The following CAMTA1 variants were observed in gnomAD, a reference collection of about 807,000 sequenced individuals.
CAMTA1 encodes the protein calmodulin-binding transcription activator 1.
A neutral mutation model predicts 170.9 loss-of-function variants in CAMTA1; 27 were observed. That is an observed-to-expected ratio of 0.16 (90% CI 0.12 to 0.22). The LOEUF (loss-of-function observed/expected upper bound fraction) is 0.22. Among genes scored for constraint, CAMTA1 ranks in the 10% least tolerant of loss-of-function variants. CAMTA1 has a pLI of 1.00. For missense variants in CAMTA1, 1,619 were observed against 2,217.2 expected, an observed-to-expected ratio of 0.73 and a Z score of 5.42; for synonymous variants, 833 against 891.5, an observed-to-expected ratio of 0.93 and a Z score of 1.17.
intron 3 of CAMTA1, among the ~76,000 whole-genome samples, chr1:6,946,820 GA>G (rs1328900531): frequency 6.6e-6 from 1 of 151,462 alleles, no homozygotes; most frequent in African/African-American, 2.4e-5. Context: ...ACATTTTGAT[GA>G]TGTTCCGTTT....
chr1:7,073,004 G>A (rs1262817131), intron 3 of CAMTA1, among the ~76,000 whole-genome samples: 5 of 152,194 alleles, frequency 3.3e-5, no homozygotes, highest in Non-Finnish European at 5.9e-5. Context: ...AAGAGTGTAG[G>A]CAGGGAGATC....
At chr1:7,337,318 G>A (rs2083447731) in intron 5 of CAMTA1, among the ~76,000 whole-genome samples, 2 of 152,208 alleles carry the variant, frequency 1.3e-5, no homozygotes, top group Non-Finnish European at 2.9e-5. Context: ...TGTCTGATAG[G>A]CATTGCAGTG....
chr1:7,084,256 C>T (rs184015581), intron 3 of CAMTA1, among the ~76,000 whole-genome samples: 1 of 152,136 alleles, frequency 6.6e-6, no homozygotes, highest in East Asian at 1.9e-4. Flanking sequence ...TTTCTCCCTC[C>T]CTGACATTGA....
intron 1 of CAMTA1, among the ~76,000 whole-genome samples, chr1:6,787,748 C>G (rs535294463): frequency 2.0e-5 from 3 of 152,202 alleles, no homozygotes; most frequent in African/African-American, 4.8e-5. Context: ...TCACCAAGTC[C>G]CTGAATGTGC....
At position 7,033,588 on chromosome 1, in the gene CAMTA1, CTT is replaced by C. The variant is rs34282545; in HGVS notation, c.235-57695_235-57694del. Among the ~76,000 whole-genome samples the C allele has an allele frequency of 1.9e-3, 177 of 95,128 alleles. 1 individual carries two copies. The highest frequency in any genetic ancestry group is 0.01 in the Middle Eastern group (1 of 96). 62.4% of individuals were successfully genotyped at this position (95,128 alleles called of 152,430 possible). A position where few individuals can be genotyped will look rare whatever the true frequency, so the allele number is the denominator to read the frequency against. Reference sequence around the variant, plus strand: ...GTACATGTTTATTCTTGTAAATATTCTTTTTTTTTTTTTTTTTTTTTTGATAC... The same window carrying C: ...GTACATGTTTATTCTTGTAAATATTCTTTTTTTTTTTTTTTTTTTTGATAC... On this transcript the variant is annotated intron_variant, in intron 3 of 22. Transcript: ENST00000303635.
intron 5 of CAMTA1, among the ~76,000 whole-genome samples, chr1:7,412,586 G>A (rs1490158324): frequency 6.0e-5 from 9 of 150,350 alleles, no homozygotes; most frequent in Non-Finnish European, 8.9e-5. Context: ...CATATCCTTC[G>A]CCCACTTTTT....
At chr1:7,186,907 C>T (rs1008370855) in intron 4 of CAMTA1, among the ~76,000 whole-genome samples, 18 of 151,862 alleles carry the variant, frequency 1.2e-4, no homozygotes, top group Non-Finnish European at 2.2e-4. Context: ...CCGGCGGGGG[C>T]GTGAAAATCA....
chr1:7,015,719 A>C (rs1384863921), intron 3 of CAMTA1, among the ~76,000 whole-genome samples: 1 of 152,142 alleles, frequency 6.6e-6, no homozygotes, highest in Admixed American at 6.5e-5. Context: ...AAAAGGTTTA[A>C]TTGGCTCACA....
intron 5 of CAMTA1, among the ~76,000 whole-genome samples, chr1:7,332,813 A>G (rs2083115585): frequency 6.6e-6 from 1 of 152,060 alleles, no homozygotes; most frequent in South Asian, 2.1e-4. Context: ...AGAAATGAGC[A>G]CACACCCGCA....
intron 3 of CAMTA1, among the ~76,000 whole-genome samples, chr1:6,929,128 A>G (rs1487219822): frequency 6.6e-6 from 1 of 152,212 alleles, no homozygotes; most frequent in East Asian, 1.9e-4. Context: ...TTGGAAGGAC[A>G]TACTCTTAGA....
Position 7,767,904 on chromosome 1 carries a change from A to T in CAMTA1, c.*1413A>T, listed in dbSNP as rs1033747214. ...GAAAAAAGGCAGAGTAACATTACTT[A>T]AAAAAAAAAGGATATGTTTACATTT... On this transcript the variant is annotated 3_prime_UTR_variant, in exon 23 of 23. Coordinates refer to ENST00000303635, the MANE Select transcript of CAMTA1 (RefSeq NM_015215.4). 2 of 87,160 alleles carry T rather than the reference A, an allele frequency of 2.3e-5. No homozygotes were observed. The highest frequency in any genetic ancestry group is 1.1e-4 in the African/African-American group (2 of 17,800). 5.4% of individuals were successfully genotyped at this position (87,160 alleles called of 1,614,324 possible). A position where few individuals can be genotyped will look rare whatever the true frequency, so the allele number is the denominator to read the frequency against.
chr1:7,166,357 C>T (rs142222527), intron 4 of CAMTA1, among the ~76,000 whole-genome samples: 163 of 152,250 alleles, frequency 1.1e-3, no homozygotes, highest in Middle Eastern at 3.4e-3. Context: ...TGAGCCACCG[C>T]GTCCGGCCTA....
rs200156122 is a variant in CAMTA1, at chr1:6,990,819, A to T, written c.235-100485A>T. Reference sequence around the variant, plus strand: ...TCTCTCTCTCTCTATATATATATATATTTATATATATATGTGTGTGTGTGT... The same window carrying T: ...TCTCTCTCTCTCTATATATATATATTTTTATATATATATGTGTGTGTGTGT... On this transcript the variant is annotated intron_variant, in intron 3 of 22. Coordinates refer to ENST00000303635, the MANE Select transcript of CAMTA1 (RefSeq NM_015215.4). Among the ~76,000 whole-genome samples, 6 of 138,876 alleles carry T rather than the reference A, an allele frequency of 4.3e-5. No individual in the cohort carries two copies. In the East Asian group the frequency reaches 8.1e-4, roughly 19 times the overall value. The allele number at this position is 138,876 out of a possible 152,430, so 91.1% of individuals were successfully genotyped here. A position where few individuals can be genotyped will look rare whatever the true frequency, so the allele number is the denominator to read the frequency against.
chr1:7,417,832 G>C lies in CAMTA1; in HGVS notation c.439-49998G>C, dbSNP rs140041248. Among the ~76,000 whole-genome samples, 326 of 152,304 alleles carry C rather than the reference G, an allele frequency of 2.1e-3. 2 individuals carry two copies. The highest frequency in any genetic ancestry group is 7.7e-3 in the African/African-American group (321 of 41,566). On this transcript the variant is annotated intron_variant, in intron 5 of 22. Transcript: ENST00000303635. ...CTAGTGAGATGAGCCTGGTACCTCA[G>C]ATAGAAATGCAGAAATCACCCGTCT... is the stretch of plus-strand genomic sequence containing the variant.
At chr1:7,043,570 G>A (rs1704834235) in intron 3 of CAMTA1, among the ~76,000 whole-genome samples, 3 of 152,304 alleles carry the variant, frequency 2.0e-5, no homozygotes, top group South Asian at 2.1e-4. Flanking sequence ...CATTTACCCC[G>A]TTGCAGAATG....
intron 18 of CAMTA1, 85 bp downstream of exon 18, chr1:7,746,176 T>C (rs1041885378): frequency 6.8e-7 from 1 of 1,473,764 alleles, no homozygotes; most frequent in African/African-American, 1.4e-5. Context: ...AACAAAAACA[T>C]TTACTATTTC....
chr1:7,252,602 A>G (rs1281041380), intron 5 of CAMTA1, among the ~76,000 whole-genome samples: 1 of 152,054 alleles, frequency 6.6e-6, no homozygotes, highest in East Asian at 1.9e-4. Flanking sequence ...GGGGCTTCTG[A>G]GTTTGGACTC....
At chr1:7,198,889 G>A (rs974767209) in intron 4 of CAMTA1, among the ~76,000 whole-genome samples, 14 of 152,180 alleles carry the variant, frequency 9.2e-5, no homozygotes, top group African/African-American at 3.1e-4. Context: ...AACGCTGGAT[G>A]CAGGCAGGAG....
chr1:6,959,802 G>T (rs1419764933), intron 3 of CAMTA1, among the ~76,000 whole-genome samples: 2 of 152,232 alleles, frequency 1.3e-5, no homozygotes, highest in East Asian at 3.9e-4. Flanking sequence ...CCAGAGCTGA[G>T]CCGGGTTCAG....
Sources: gnomAD v4.1 joint callset for allele counts (sites outside exome capture counted in the v4.1 genomes callset) on GRCh38, gnomAD v4.1.1 for gene constraint, MANE v1.5 for transcripts, NCBI Gene and HGNC (gene_info 2026-07-23, HGNC 2026-07-21) for gene names.